ASB3: variants seen among roughly 807,000 people sequenced by gnomAD.
The protein encoded by ASB3 is ankyrin repeat and SOCS box protein 3.
In ASB3, 41 loss-of-function variants were observed where a neutral mutation model predicts 54.5. The ratio of observed to expected loss-of-function variants is 0.75; its 90% CI spans 0.59 to 0.98. The LOEUF is 0.98. Ranked by LOEUF, ASB3 falls within the 50% of genes least tolerant of loss-of-function variation. ASB3 has a pLI of 0.00. For synonymous variants in ASB3, 266 were observed against 221.2 expected, an observed-to-expected ratio of 1.20 and a Z score of -1.80; for missense variants, 733 against 620.0, an observed-to-expected ratio of 1.18 and a Z score of -1.94.
rs1046973136 is a variant in ASB3 at position 53,773,991 on chromosome 2, T to C, written c.-13-8406A>G. On this transcript the variant is annotated intron_variant, in intron 1 of 9. Transcript: ENST00000263634. ...CTGAGGTTGCAGTAGGCCACGATCGTGCCACTGCACCACAGCCTGGGCAAC... is the reference window on the plus strand; with the variant it reads ...CTGAGGTTGCAGTAGGCCACGATCGCGCCACTGCACCACAGCCTGGGCAAC... 6 of 804,376 alleles carry C rather than the reference T, an allele frequency of 7.5e-6. No individual in the cohort carries two copies. In the African/African-American group the frequency reaches 1.0e-4, roughly 14 times the overall value. The allele number at this position is 804,376 out of a possible 1,614,324, so 49.8% of individuals were successfully genotyped here.
chr2:53,749,853 T>C lies in ASB3; in HGVS notation c.355+930A>G, dbSNP rs1435661023. Among the ~76,000 whole-genome samples the C allele has an allele frequency of 3.3e-5, 5 of 152,178 alleles. 1 individual carries two copies. The South Asian group carries it at 8.3e-4, about 25-fold the overall frequency. Reference sequence around the variant, plus strand: ...GTGATGGAATGGTTCTATATCTTGATTGTTGTCATTACAGAATTTTATGAA... The same window carrying C: ...GTGATGGAATGGTTCTATATCTTGACTGTTGTCATTACAGAATTTTATGAA... On this transcript the variant is annotated intron_variant, in intron 3 of 9. Coordinates refer to ENST00000263634, the MANE Select transcript of ASB3 (RefSeq NM_016115.5).
At chr2:53,759,125 T>C (rs924605903) in intron 2 of ASB3, among the ~76,000 whole-genome samples, 14 of 152,186 alleles carry the variant, frequency 9.2e-5, no homozygotes, top group African/African-American at 3.4e-4. Context: ...GTCAGGTCAA[T>C]GATAGGATGA....
intron 7 of ASB3, among the ~76,000 whole-genome samples, chr2:53,709,644 T>A (rs1362706218): frequency 6.6e-6 from 1 of 152,206 alleles, no homozygotes; most frequent in Non-Finnish European, 1.5e-5. Context: ...CTATGGGAGT[T>A]CACTGTACCA....
chr2:53,687,743 T>C (rs929343942), intron 9 of ASB3, among the ~76,000 whole-genome samples: 3 of 152,226 alleles, frequency 2.0e-5, no homozygotes, highest in Non-Finnish European at 2.9e-5. Context: ...AAGGAGCAAG[T>C]GGTGAGTTAT....
rs185743557 is a variant in ASB3 at position 53,731,332 on chromosome 2, G to A, written c.356-1762C>T. Among the ~76,000 whole-genome samples, 431 of 152,242 alleles carry A rather than the reference G, an allele frequency of 2.8e-3. 4 individuals are homozygous for A. Among genetic ancestry groups the A allele is most frequent in the Admixed American group, 9.9e-3 (151 of 15,290 alleles). On this transcript the variant is annotated intron_variant, in intron 3 of 9. Coordinates refer to ENST00000263634, the MANE Select transcript of ASB3 (RefSeq NM_016115.5). ...CAGGAGAATCGCTTAAACCTGGGAG[G>A]TGGAGGTTGCACTGCACTCCACCTG...
At chr2:53,683,352 T>C (rs773875696) in intron 9 of ASB3, among the ~76,000 whole-genome samples, 1 of 152,130 alleles carries the variant, frequency 6.6e-6, no homozygotes, top group Non-Finnish European at 1.5e-5. Context: ...AAATGTGTTG[T>C]AGAATTCGGT....
intron 5 of ASB3, among the ~76,000 whole-genome samples, chr2:53,724,011 T>C (rs1349488354): frequency 1.3e-5 from 2 of 152,100 alleles, no homozygotes; most frequent in Non-Finnish European, 2.9e-5. Context: ...GAAAACACTG[T>C]TCTGGACATC....
chr2:53,736,557 G>A (rs1304221287), intron 3 of ASB3, among the ~76,000 whole-genome samples: 1 of 152,092 alleles, frequency 6.6e-6, no homozygotes, highest in Non-Finnish European at 1.5e-5. Flanking sequence ...ATATTAGCCA[G>A]GCATGTTGGC....
At chr2:53,778,830 T>G (rs751835313) in intron 1 of ASB3, among the ~76,000 whole-genome samples, 1 of 152,256 alleles carries the variant, frequency 6.6e-6, no homozygotes, top group Non-Finnish European at 1.5e-5. Context: ...CTATTGTGAT[T>G]AATGCTGCAA....
chr2:53,755,079 G>A (rs1435517475), intron 2 of ASB3, among the ~76,000 whole-genome samples: 1 of 152,138 alleles, frequency 6.6e-6, no homozygotes, highest in Non-Finnish European at 1.5e-5. Flanking sequence ...AAGGCAAAGT[G>A]GCTTCTCCTT....
chr2:53,700,574 G>T, intron 7 of ASB3, 46 bp from the exon 8 acceptor site: 1 of 1,558,468 alleles, frequency 6.4e-7, no homozygotes, highest in South Asian at 1.3e-5. Flanking sequence ...GTTAGACTTT[G>T]ACATAAGATA....
At chr2:53,714,319 A>C in intron 7 of ASB3, 65 bp downstream of exon 7, 1 of 1,552,326 alleles carries the variant, frequency 6.4e-7, no homozygotes. Context: ...AAAGAAAGTC[A>C]CTTCAAAACA....
At chr2:53,677,678 T>G (rs1390027536) in intron 9 of ASB3, among the ~76,000 whole-genome samples, 3 of 152,174 alleles carry the variant, frequency 2.0e-5, no homozygotes, top group Non-Finnish European at 2.9e-5. Flanking sequence ...ATAAGAAAAC[T>G]CAAAAAGAGT....
intron 1 of ASB3, chr2:53,774,580 C>A (rs553822167): frequency 1.6e-6 from 2 of 1,277,260 alleles, no homozygotes; most frequent in African/African-American, 1.5e-5. Context: ...TTTGGAAATA[C>A]GTTTACTTAA....
intron 8 of ASB3, chr2:53,694,438 T>C (rs1669079034): frequency 6.5e-6 from 1 of 154,786 alleles, no homozygotes; most frequent in African/African-American, 2.4e-5. Context: ...AAACTGAGTG[T>C]ACAAGTGTAC....
In ASB3 at chr2:53,700,416, A is replaced by G; in HGVS notation, c.1093T>C (p.Leu365=). 1 of 1,614,106 alleles carries G rather than the reference A, an allele frequency of 6.2e-7. No homozygotes were observed. The highest frequency in any genetic ancestry group is 8.5e-7 in the Non-Finnish European group (1 of 1,179,996). The change falls in exon 8 of 10, where the codon TTG becomes CTG. Residue 365 remains leucine, a synonymous_variant. Coordinates refer to ENST00000263634, the MANE Select transcript of ASB3 (RefSeq NM_016115.5). ...GGTCCCAATGAGCAACCTTTCCTCA[A>G]AAAGTAGCGAAATATCGAAAACTTC... ...YEKFSIFRYF[L]RKGCSLGPWN...
At chr2:53,739,838 C>A (rs1429910218) in intron 3 of ASB3, among the ~76,000 whole-genome samples, 2 of 152,186 alleles carry the variant, frequency 1.3e-5, no homozygotes, top group African/African-American at 4.8e-5. Context: ...ACCCACACAG[C>A]TCATTTTCCA....
At chr2:53,690,096 C>T (rs1259605029) in intron 9 of ASB3, among the ~76,000 whole-genome samples, 1 of 151,884 alleles carries the variant, frequency 6.6e-6, no homozygotes, top group African/African-American at 2.4e-5. Context: ...ATTAGCTGGG[C>T]ATGGTGCCAC....
chr2:53,757,945 C>G (rs1433684982), intron 2 of ASB3, among the ~76,000 whole-genome samples: 2 of 152,086 alleles, frequency 1.3e-5, no homozygotes, highest in African/African-American at 4.8e-5. Flanking sequence ...ACAACTGGAA[C>G]TGGGTCTATG....
Sources: allele counts gnomAD v4.1 joint callset (sites outside exome capture counted in the v4.1 genomes callset), GRCh38; gene constraint gnomAD v4.1.1; transcripts MANE v1.5; gene names NCBI Gene and HGNC (gene_info 2026-07-23, HGNC 2026-07-21).